The following SGCZ variants were observed in gnomAD, a reference collection of about 807,000 sequenced individuals.
The protein encoded by SGCZ is zeta-sarcoglycan.
In SGCZ, 40 loss-of-function variants were observed where a neutral mutation model predicts 41.3. The observed-to-expected ratio is 0.97, with a 90% confidence interval of 0.75 to 1.26. SGCZ has a LOEUF of 1.26. Ranked by LOEUF, SGCZ falls within the 50% of genes most tolerant of loss-of-function variation. The pLI is 0.00. For missense variants in SGCZ, 552 were observed against 369.8 expected, an observed-to-expected ratio of 1.49 and a Z score of -4.04; for synonymous variants, 206 against 137.5, an observed-to-expected ratio of 1.50 and a Z score of -3.49.
At chr8:14,683,963 T>A (rs1368335493) in intron 1 of SGCZ, among the ~76,000 whole-genome samples, 1 of 152,184 alleles carries the variant, frequency 6.6e-6, no homozygotes, top group African/African-American at 2.4e-5. Flanking sequence ...TGAATGTGTT[T>A]CATCTCACAA....
intron 1 of SGCZ, among the ~76,000 whole-genome samples, chr8:15,100,676 C>T (rs542772928): frequency 9.2e-5 from 14 of 152,270 alleles, no homozygotes; most frequent in Middle Eastern, 3.4e-3. Context: ...AGGACAGACA[C>T]TACTTAACTT....
chr8:14,682,043 G>A lies in SGCZ; in HGVS notation c.40-127117C>T, dbSNP rs548765225. ...AAAATAACATATCTGCCCAGAGGTA[G>A]CAAAGGGTTCAATCCAACCTTTAGT... On this transcript the variant is annotated intron_variant, in intron 1 of 7. Coordinates refer to ENST00000382080, the MANE Select transcript of SGCZ (RefSeq NM_139167.4). 3.9e-5 allele frequency among the ~76,000 whole-genome samples: 6 copies of A among 152,222 alleles called. No homozygotes were observed. In the East Asian group the frequency reaches 1.2e-3, roughly 29 times the overall value.
At chr8:14,525,149 T>C (rs997851863) in intron 2 of SGCZ, among the ~76,000 whole-genome samples, 1 of 16,610 alleles carries the variant, frequency 6.0e-5, no homozygotes, top group Non-Finnish European at 1.4e-4. Flanking sequence ...GACACATAGA[T>C]AGATAGATAG....
chr8:14,553,502 T>C (rs1803935788), intron 2 of SGCZ, among the ~76,000 whole-genome samples: 1 of 151,802 alleles, frequency 6.6e-6, no homozygotes, highest in African/African-American at 2.4e-5. Flanking sequence ...TACAAAATTA[T>C]AATTTATTGG....
intron 1 of SGCZ, among the ~76,000 whole-genome samples, chr8:14,972,766 G>A (rs1027407282): frequency 2.0e-5 from 3 of 152,004 alleles, no homozygotes; most frequent in South Asian, 2.1e-4. Flanking sequence ...TAAGTCTTAC[G>A]ATAGCATACG....
intron 1 of SGCZ, among the ~76,000 whole-genome samples, chr8:15,189,229 T>G (rs1800449870): frequency 6.6e-6 from 1 of 152,180 alleles, no homozygotes; most frequent in South Asian, 2.1e-4. Context: ...ATTTGGAAGG[T>G]CAATTTTGTC....
chr8:14,232,857 A>G (rs1806620820), intron 4 of SGCZ, among the ~76,000 whole-genome samples: 2 of 152,114 alleles, frequency 1.3e-5, no homozygotes, highest in Admixed American at 6.6e-5. Context: ...TCCTATTTAA[A>G]GCATAAGACT....
chr8:14,497,065 C>G (rs1413531188), intron 2 of SGCZ, among the ~76,000 whole-genome samples: 1 of 152,174 alleles, frequency 6.6e-6, no homozygotes, highest in Non-Finnish European at 1.5e-5. Flanking sequence ...ATAGAATTCA[C>G]TTCTGTAAAT....
intron 1 of SGCZ, among the ~76,000 whole-genome samples, chr8:14,731,953 A>G (rs1510456): frequency 0.055 from 8,412 of 152,258 alleles, 784 homozygotes; most frequent in African/African-American, 0.19. Flanking sequence ...CTTCCAGTCG[A>G]TACCATTAAT....
chr8:14,783,173 C>T (rs2130440893), intron 1 of SGCZ, among the ~76,000 whole-genome samples: 1 of 152,248 alleles, frequency 6.6e-6, no homozygotes, highest in East Asian at 1.9e-4. Flanking sequence ...GTGGCTCACG[C>T]ATGTAATACC....
chr8:15,114,290 C>G (rs1196930392), intron 1 of SGCZ, among the ~76,000 whole-genome samples: 2 of 152,054 alleles, frequency 1.3e-5, no homozygotes, highest in Non-Finnish European at 2.9e-5. Context: ...TTTTTCTTAC[C>G]AGCTGCATAA....
intron 2 of SGCZ, among the ~76,000 whole-genome samples, chr8:14,362,467 C>T (rs988911807): frequency 5.9e-5 from 9 of 152,170 alleles, no homozygotes; most frequent in African/African-American, 2.2e-4. Context: ...GCACTAGCAG[C>T]CAGCAAGGCT....
chr8:14,169,905 G>A lies in SGCZ; in HGVS notation c.425-5203C>T, dbSNP rs78377356. 2.6e-4 allele frequency among the ~76,000 whole-genome samples: 39 copies of A among 152,230 alleles called. No individual in the cohort carries two copies. The East Asian group carries it at 7.2e-3, about 28-fold the overall frequency. ...GAAAAAAGAAAGAAAGGGCTGAAAG[G>A]CAGAGACCAGCATAGAAAGACACTC... On this transcript the variant is annotated intron_variant, in intron 4 of 7. Transcript: ENST00000382080.
intron 3 of SGCZ, among the ~76,000 whole-genome samples, chr8:14,246,886 G>A (rs1799114121): frequency 7.0e-6 from 1 of 142,624 alleles, no homozygotes; most frequent in African/African-American, 2.6e-5. Context: ...CTCCAGCCTG[G>A]GCGACAGAAT....
chr8:15,189,677 T>G (rs1321821103), intron 1 of SGCZ, among the ~76,000 whole-genome samples: 2 of 152,060 alleles, frequency 1.3e-5, no homozygotes, highest in Non-Finnish European at 2.9e-5. Context: ...GCCTCCCAAG[T>G]AGCTGGGATT....
intron 7 of SGCZ, among the ~76,000 whole-genome samples, chr8:14,100,362 A>C (rs1362201322): frequency 1.3e-5 from 2 of 151,150 alleles, no homozygotes; most frequent in African/African-American, 2.4e-5. Flanking sequence ...ATAATAATCA[A>C]TATTTATTAT....
intron 2 of SGCZ, among the ~76,000 whole-genome samples, chr8:14,485,444 G>A (rs923780831): frequency 1.3e-5 from 2 of 151,980 alleles, no homozygotes; most frequent in Non-Finnish European, 2.9e-5. Flanking sequence ...CACCTTGTTA[G>A]CCAGGATGGT....
chr8:14,245,227 G>C (rs765853222), intron 3 of SGCZ, among the ~76,000 whole-genome samples: 4 of 152,018 alleles, frequency 2.6e-5, no homozygotes, highest in Admixed American at 6.6e-5. Flanking sequence ...ATTGACTGTG[G>C]GTTTGGTACC....
intron 2 of SGCZ, among the ~76,000 whole-genome samples, chr8:14,361,045 G>A (rs578075234): frequency 1.2e-4 from 18 of 152,262 alleles, no homozygotes; most frequent in South Asian, 4.1e-4. Context: ...TAATGATGTC[G>A]AACATCTTTC....
Sources: allele counts gnomAD v4.1 joint callset (sites outside exome capture counted in the v4.1 genomes callset), GRCh38; gene constraint gnomAD v4.1.1; transcripts MANE v1.5; gene names NCBI Gene and HGNC (gene_info 2026-07-23, HGNC 2026-07-21).